TTC7B: variants seen among roughly 807,000 people sequenced by gnomAD.
The protein encoded by TTC7B is tetratricopeptide repeat domain 7B.
A neutral mutation model predicts 106.8 loss-of-function variants in TTC7B; 28 were observed. The observed-to-expected ratio is 0.26, with a 90% CI of 0.19 to 0.36. The LOEUF is 0.36. Ranked by LOEUF, TTC7B falls within the 10% of genes least tolerant of loss-of-function variation. The pLI, the probability that TTC7B is intolerant of heterozygous loss-of-function variation, is 1.00. For missense variants in TTC7B, 862 were observed against 1,076.4 expected, an observed-to-expected ratio of 0.80 and a Z score of 2.79; for synonymous variants, 405 against 430.6, an observed-to-expected ratio of 0.94 and a Z score of 0.74.
intron 8 of TTC7B, among the ~76,000 whole-genome samples, chr14:90,678,309 A>G (rs766031905): frequency 6.6e-6 from 1 of 152,218 alleles, no homozygotes; most frequent in Non-Finnish European, 1.5e-5. Context: ...AAACAGCACA[A>G]TTCTAAATGA....
At chr14:90,664,670 A>AGAGT (rs1192406638) in intron 9 of TTC7B, among the ~76,000 whole-genome samples, 1 of 152,234 alleles carries the variant, frequency 6.6e-6, no homozygotes, top group Non-Finnish European at 1.5e-5. Context: ...GGCATATAAG[A>AGAGT]GAGTGCTTTA....
At position 90,607,669 on chromosome 14, in the gene TTC7B, C is replaced by T. The variant is rs75629487; in HGVS notation, c.1966+3073G>A. 7.4e-4 allele frequency among the ~76,000 whole-genome samples: 112 copies of T among 152,260 alleles called. 5 individuals carry two copies. In the East Asian group the frequency reaches 0.016, roughly 22 times the overall value. On this transcript the variant is annotated intron_variant, in intron 17 of 19. Coordinates refer to ENST00000328459, the MANE Select transcript of TTC7B (RefSeq NM_001010854.2). Reference sequence around the variant, plus strand: ...AAGGCAAAGGGAGGAAAAATGACTGCGGTCATGCTGGATGGATAAGAATCC... The same window carrying T: ...AAGGCAAAGGGAGGAAAAATGACTGTGGTCATGCTGGATGGATAAGAATCC...
At chr14:90,564,708 A>G (rs1196784568) in intron 19 of TTC7B, among the ~76,000 whole-genome samples, 1 of 152,160 alleles carries the variant, frequency 6.6e-6, no homozygotes, top group Non-Finnish European at 1.5e-5. Flanking sequence ...CAGGAATTTG[A>G]GACCAGCATG....
At chr14:90,631,597 G>A (rs1279508137) in intron 15 of TTC7B, among the ~76,000 whole-genome samples, 2 of 151,730 alleles carry the variant, frequency 1.3e-5, no homozygotes, top group Admixed American at 6.6e-5. Flanking sequence ...TAGTAGAGAC[G>A]GGGTTTCACT....
At chr14:90,789,789 G>A (rs1007166769) in intron 1 of TTC7B, among the ~76,000 whole-genome samples, 1 of 151,884 alleles carries the variant, frequency 6.6e-6, no homozygotes, top group South Asian at 2.1e-4. Flanking sequence ...CCAGCTAGTC[G>A]GGAGGCTGAG....
At chr14:90,558,958 G>A (rs1473108406) in intron 19 of TTC7B, among the ~76,000 whole-genome samples, 1 of 152,254 alleles carries the variant, frequency 6.6e-6, no homozygotes, top group East Asian at 1.9e-4. Context: ...ACTGCATAGG[G>A]GCGCGGAAAT....
chr14:90,748,627 C>A (rs1890043415), intron 3 of TTC7B, among the ~76,000 whole-genome samples: 1 of 152,008 alleles, frequency 6.6e-6, no homozygotes, highest in African/African-American at 2.4e-5. Context: ...ATGCCCAGCT[C>A]CTACTTTAAA....
chr14:90,556,515 G>A (rs1031515487), intron 19 of TTC7B, among the ~76,000 whole-genome samples: 1 of 152,152 alleles, frequency 6.6e-6, no homozygotes, highest in Admixed American at 6.5e-5. Flanking sequence ...ATGGGCAAGA[G>A]ACTCCTGTTC....
intron 18 of TTC7B, among the ~76,000 whole-genome samples, chr14:90,590,523 A>C (rs999227427): frequency 5.9e-5 from 9 of 152,172 alleles, no homozygotes; most frequent in African/African-American, 2.2e-4. Context: ...TGATCTAACT[A>C]ATTTCTTCTA....
chr14:90,693,771 G>T (rs1468925510), intron 6 of TTC7B, among the ~76,000 whole-genome samples: 1 of 152,160 alleles, frequency 6.6e-6, no homozygotes, highest in Non-Finnish European at 1.5e-5. Context: ...AATGTAATAT[G>T]GTACAGCTGC....
chr14:90,710,132 G>C (rs1172925973), intron 5 of TTC7B, among the ~76,000 whole-genome samples: 2 of 151,662 alleles, frequency 1.3e-5, no homozygotes, highest in Non-Finnish European at 2.9e-5. Context: ...TGATTCATGG[G>C]AGGACATCCA....
chr14:90,772,445 T>C (rs1013834706), intron 3 of TTC7B, among the ~76,000 whole-genome samples: 11 of 152,172 alleles, frequency 7.2e-5, no homozygotes, highest in Non-Finnish European at 2.9e-5. Context: ...TGGAAAGTGT[T>C]TACGATCTAT....
Position 90,534,205 on chromosome 14 carries a change from G to A in TTC7B, c.*7163C>T, listed in dbSNP as rs1305646763. ...ATTCCTGTCTGAAATGGTGCAGGATGTCCTTTTTCTGTTCCTATCTGGCTG... is the reference window on the plus strand; with the variant it reads ...ATTCCTGTCTGAAATGGTGCAGGATATCCTTTTTCTGTTCCTATCTGGCTG... On this transcript the variant is annotated 3_prime_UTR_variant, in exon 20 of 20. Coordinates refer to ENST00000328459, the MANE Select transcript of TTC7B (RefSeq NM_001010854.2). The A allele has an allele frequency of 2.0e-5, 3 of 152,338 alleles. No individual in the cohort carries two copies. The East Asian group carries it at 5.8e-4, about 29-fold the overall frequency. The allele number at this position is 152,338 out of a possible 1,614,324, so 9.4% of individuals were successfully genotyped here. A position where few individuals can be genotyped will look rare whatever the true frequency, so the allele number is the denominator to read the frequency against.
intron 7 of TTC7B, among the ~76,000 whole-genome samples, 161 bp downstream of exon 7, chr14:90,689,379 C>T (rs536949829): frequency 2.6e-5 from 4 of 152,262 alleles, no homozygotes; most frequent in African/African-American, 9.6e-5. Context: ...GCTGAAGTTA[C>T]GAAAAGTAAT....
At chr14:90,584,283 AC>A (rs1430601253) in intron 18 of TTC7B, among the ~76,000 whole-genome samples, 10 of 152,334 alleles carry the variant, frequency 6.6e-5, no homozygotes, top group Non-Finnish European at 1.0e-4. Flanking sequence ...TGCTAGATGC[AC>A]CCAGAACCTC....
intron 19 of TTC7B, among the ~76,000 whole-genome samples, chr14:90,571,286 T>G (rs1891024141): frequency 6.6e-6 from 1 of 152,156 alleles, no homozygotes; most frequent in African/African-American, 2.4e-5. Flanking sequence ...GAAGAGTGTG[T>G]GTCACCAGAC....
At chr14:90,581,956 C>T (rs1891514360) in intron 18 of TTC7B, among the ~76,000 whole-genome samples, 1 of 152,164 alleles carries the variant, frequency 6.6e-6, no homozygotes, top group African/African-American at 2.4e-5. Context: ...TGGCACTTTT[C>T]AGTGCTGTGG....
At chr14:90,762,944 G>A (rs1006397933) in intron 3 of TTC7B, among the ~76,000 whole-genome samples, 1 of 152,140 alleles carries the variant, frequency 6.6e-6, no homozygotes, top group Non-Finnish European at 1.5e-5. Flanking sequence ...AGGGTCAGAT[G>A]GCTTCCTTGG....
rs995841804 is a variant in TTC7B at position 90,577,115 on chromosome 14, G to A, written c.2310+991C>T. 6.6e-6 allele frequency among the ~76,000 whole-genome samples: 1 copy of A among 152,164 alleles called. No individual in the cohort carries two copies. On this transcript the variant is annotated intron_variant, in intron 19 of 19. Transcript: ENST00000328459. This position sits in a 1 kb window ranked among gnomAD's most constrained non-coding sequence, Gnocchi z 5.0. ...GCTAAGCCTCCACGGGTGCGGACAC[G>A]AAGGGCCCTGAGCTTTATAATAAAA...
Sources: gnomAD v4.1 joint callset for allele counts (sites outside exome capture counted in the v4.1 genomes callset) on GRCh38, gnomAD v4.1.1 for gene constraint, Gnocchi (gnomAD v3.1) non-coding constraint, MANE v1.5 for transcripts, NCBI Gene and HGNC (gene_info 2026-07-23, HGNC 2026-07-21) for gene names.